ATF7: variants seen among roughly 807,000 people sequenced by gnomAD.
ATF7 encodes the protein cyclic AMP-dependent transcription factor ATF-7.
A neutral mutation model predicts 50.4 loss-of-function variants in ATF7; 10 were observed. The ratio of observed to expected loss-of-function variants is 0.20; its 90% CI spans 0.12 to 0.34. The LOEUF (loss-of-function observed/expected upper bound fraction) is 0.34. ATF7 is among the 10% of genes least tolerant of loss of function. The pLI is 1.00. For missense variants in ATF7, 465 were observed against 613.9 expected (o/e 0.76, Z 2.56); for synonymous variants, 201 against 226.4 (o/e 0.89, Z 1.01).
chr12:53,508,970 C>CT (rs1944076784), downstream of ATF7, among the ~76,000 whole-genome samples: 1 of 152,196 alleles, frequency 6.6e-6, no homozygotes, highest in African/African-American at 2.4e-5. Context: ...AGAATCCTGT[C>CT]TTAAGAAAAA....
intron 3 of ATF7, among the ~76,000 whole-genome samples, chr12:53,546,468 T>G (rs1157593688): frequency 9.8e-6 from 1 of 101,526 alleles, no homozygotes; most frequent in Admixed American, 1.0e-4. Flanking sequence ...TTTTTTTTTT[T>G]GAGACAGTCT....
intron 2 of ATF7, among the ~76,000 whole-genome samples, chr12:53,558,367 C>T (rs1050853015): frequency 6.6e-6 from 1 of 152,070 alleles, no homozygotes; most frequent in Non-Finnish European, 1.5e-5. Flanking sequence ...TGTTGAGAAA[C>T]CCTGATACAG....
chr12:53,567,849 C>G (rs1274731350), intron 2 of ATF7, among the ~76,000 whole-genome samples: 2 of 152,224 alleles, frequency 1.3e-5, no homozygotes, highest in African/African-American at 4.8e-5. Flanking sequence ...AAATAATTAT[C>G]ACACAGCCCT....
At chr12:53,618,612 T>C (rs1944242340) in intron 1 of ATF7, among the ~76,000 whole-genome samples, 1 of 152,174 alleles carries the variant, frequency 6.6e-6, no homozygotes, top group Non-Finnish European at 1.5e-5. Context: ...CTTCTGAAGT[T>C]GTATCTCATT....
intron 2 of ATF7, 186 bp downstream of exon 2, chr12:53,600,767 G>T: frequency 1.8e-6 from 1 of 554,394 alleles, no homozygotes; most frequent in Non-Finnish European, 3.2e-6. Flanking sequence ...AAGACAGCAA[G>T]GCAGATTTCA....
In ATF7 at chr12:53,552,548, G is replaced by C. The variant is rs1940441882; in HGVS notation, c.138C>G (p.Ile46Met). 1.9e-6 allele frequency: 3 copies of C among 1,613,602 alleles called. No individual in the cohort carries two copies. The South Asian group carries it at 3.3e-5, about 18-fold the overall frequency. Residue 46 changes from isoleucine to methionine, a missense_variant, in exon 3 of 12, where the codon ATC becomes ATG. Ile to Met is a conservative substitution (Grantham distance 10). Transcript: ENST00000420353. ...TTTTGGGGCAGCAAATACCTGCAATGATGACTGAGTCAGTTCGGGCTGGGC... is the reference window on the plus strand; with the variant it reads ...TTTTGGGGCAGCAAATACCTGCAATCATGACTGAGTCAGTTCGGGCTGGGC... The part of the protein sequence containing the change: ...KFGPARTDSV[I>M]IADQTPTPTR...
At chr12:53,508,597 G>A (rs1323455010), downstream of ATF7, among the ~76,000 whole-genome samples, 1 of 151,954 alleles carries the variant, frequency 6.6e-6, no homozygotes, top group African/African-American at 2.4e-5. Context: ...GGAGGCTACA[G>A]GATTTTGGAG....
chr12:53,616,649 G>A (rs1013165706), intron 1 of ATF7, among the ~76,000 whole-genome samples: 2 of 152,072 alleles, frequency 1.3e-5, no homozygotes, highest in Middle Eastern at 3.2e-3. Flanking sequence ...GCCAAAAGAT[G>A]AGAAAAGGCG....
chr12:53,604,883 A>G (rs1231628328), intron 1 of ATF7, among the ~76,000 whole-genome samples: 1 of 152,208 alleles, frequency 6.6e-6, no homozygotes, highest in Non-Finnish European at 1.5e-5. Flanking sequence ...AAAAACAAAA[A>G]GACAATAGGC....
chr12:53,565,180 A>C (rs761147270), intron 2 of ATF7, among the ~76,000 whole-genome samples: 5 of 152,120 alleles, frequency 3.3e-5, no homozygotes, highest in Non-Finnish European at 7.3e-5. Flanking sequence ...GTGCCCAATA[A>C]ATCACAGCAA....
chr12:53,529,095 A>T (rs1043829220), intron 9 of ATF7, among the ~76,000 whole-genome samples: 41 of 152,122 alleles, frequency 2.7e-4, no homozygotes, highest in African/African-American at 8.2e-4. Context: ...TATATATATA[A>T]AAAGAGGAAG....
rs551881452 is a variant in ATF7 at position 53,580,620 on chromosome 12, C to T, written c.48+20333G>A. ...TGGAGCTTGCAGTGAGCGGAGATCACGCCACTGAACTCTAGCCTGGGTGAC... is the reference window on the plus strand; with the variant it reads ...TGGAGCTTGCAGTGAGCGGAGATCATGCCACTGAACTCTAGCCTGGGTGAC... On this transcript the variant is annotated intron_variant, in intron 2 of 11. Transcript: ENST00000420353. Among the ~76,000 whole-genome samples, 26 of 138,556 alleles carry T rather than the reference C, an allele frequency of 1.9e-4. No individual in the cohort carries two copies. The South Asian group carries it at 4.6e-3, about 25-fold the overall frequency. 90.9% of individuals were successfully genotyped at this position (138,556 alleles called of 152,430 possible).
In ATF7 at chr12:53,607,770, A is replaced by C. The variant is rs181049904; in HGVS notation, c.-21-6749T>G. ...TAACATCAAAATGTTGATAATGGTT[A>C]TCTCTGGATAATGGCATCCTAGGTG... On this transcript the variant is annotated intron_variant, in intron 1 of 11. Transcript: ENST00000420353. 9.2e-5 allele frequency among the ~76,000 whole-genome samples: 14 copies of C among 152,346 alleles called. No homozygotes were observed. The East Asian group carries it at 2.7e-3, about 29-fold the overall frequency.
chr12:53,509,625 C>A (rs1944091877), downstream of ATF7, among the ~76,000 whole-genome samples: 1 of 151,898 alleles, frequency 6.6e-6, no homozygotes, highest in Non-Finnish European at 1.5e-5. Context: ...CCTGCCTCAG[C>A]CTCCCAAGTA....
At chr12:53,509,930 T>C (rs1297872315), downstream of ATF7, among the ~76,000 whole-genome samples, 2 of 152,198 alleles carry the variant, frequency 1.3e-5, no homozygotes, top group African/African-American at 4.8e-5. Context: ...CCAGATACCA[T>C]ATTTCTGTTA....
chr12:53,621,658 G>A (rs994031810), intron 1 of ATF7, among the ~76,000 whole-genome samples: 6 of 151,402 alleles, frequency 4.0e-5, no homozygotes, highest in African/African-American at 7.3e-5. Context: ...GTGTGGTGGT[G>A]CAGGCCTGTA....
At chr12:53,601,192 TCTA>T (rs1467747885) in intron 1 of ATF7, among the ~76,000 whole-genome samples, 171 bp from the exon 2 acceptor site, 2 of 152,170 alleles carry the variant, frequency 1.3e-5, no homozygotes, top group Non-Finnish European at 2.9e-5. Context: ...TGGCATATGA[TCTA>T]CTGTGTCTCA....
rs142107629 is a variant in ATF7, at chr12:53,516,687, G to A, written c.*450C>T. 3.3e-5 allele frequency: 6 copies of A among 182,706 alleles called. No individual in the cohort carries two copies. In the East Asian group the frequency reaches 6.4e-4, roughly 20 times the overall value. 11.3% of individuals were successfully genotyped at this position (182,706 alleles called of 1,614,324 possible). Reference sequence around the variant, plus strand: ...CTGGGGCTGGGTCAGCGGGTAATATGTCATCAAATCTAGCCTCCCTCTATC... The same window carrying A: ...CTGGGGCTGGGTCAGCGGGTAATATATCATCAAATCTAGCCTCCCTCTATC... On this transcript the variant is annotated 3_prime_UTR_variant, in exon 12 of 12. Transcript: ENST00000420353.
intron 11 of ATF7, among the ~76,000 whole-genome samples, chr12:53,520,080 T>C (rs1415224777): frequency 6.6e-6 from 1 of 152,208 alleles, no homozygotes; most frequent in Non-Finnish European, 1.5e-5. Context: ...AACACTTTTT[T>C]ATTTTGATTT....
Sources: gnomAD v4.1 joint callset for allele counts (sites outside exome capture counted in the v4.1 genomes callset) on GRCh38, gnomAD v4.1.1 for gene constraint, MANE v1.5 for transcripts, NCBI Gene and HGNC (gene_info 2026-07-23, HGNC 2026-07-21) for gene names.